Variants in VPS53 observed in about 807,000 individuals in gnomAD.
VPS53 encodes VPS53 subunit of GARP complex.
Under a neutral mutation model 107.0 loss-of-function variants are expected in VPS53, and 70 were observed. The observed-to-expected ratio is 0.65, with a 90% confidence interval of 0.54 to 0.80. The LOEUF is 0.80. Ranked by LOEUF, VPS53 falls within the 30% of genes least tolerant of loss-of-function variation. The pLI is 0.00. For missense variants in VPS53, 917 were observed against 1,049.4 expected (o/e 0.87, Z 1.74); for synonymous variants, 409 against 393.3 (o/e 1.04, Z -0.47).
intron 11 of VPS53, chr17:616,318 AG>A (rs1413339333): frequency 2.0e-5 from 3 of 152,294 alleles, no homozygotes; most frequent in Non-Finnish European, 4.4e-5. Context: ...AGAGAGGGAA[AG>A]AAAGAACTCA....
chr17:539,063 C>T (rs1910362711), intron 17 of VPS53: 1 of 152,206 alleles, frequency 6.6e-6, no homozygotes, highest in South Asian at 2.1e-4. Context: ...TCTGGGTAGA[C>T]ACAGCGAACT....
chr17:546,068 A>AT (rs1319364004), intron 17 of VPS53, among the ~76,000 whole-genome samples: 2 of 152,144 alleles, frequency 1.3e-5, no homozygotes, highest in South Asian at 2.1e-4. Context: ...TGGTTAACTG[A>AT]TTTTTTACGA....
rs1379474326 is a variant in VPS53, at chr17:515,072, A to T, written c.*4056T>A. On this transcript the variant is annotated 3_prime_UTR_variant, in exon 22 of 22. Coordinates refer to ENST00000437048, the MANE Select transcript of VPS53 (RefSeq NM_001128159.3). ...GCAGAGTGAACTCTTTATTGATTAT[A>T]CAAATTACCACTATTTATTTTAAAC... 2 of 152,144 alleles carry T rather than the reference A, an allele frequency of 1.3e-5. No individual in the cohort carries two copies. Among genetic ancestry groups the T allele is most frequent in the Non-Finnish European group, 2.9e-5 (2 of 68,030 alleles). The allele number at this position is 152,144 out of a possible 1,614,324, so 9.4% of individuals were successfully genotyped here. A position where few individuals can be genotyped will look rare whatever the true frequency, so the allele number is the denominator to read the frequency against.
In VPS53 at chr17:658,932, T is replaced by C. The variant is rs374711647; in HGVS notation, c.372+2877A>G. 2.6e-5 allele frequency among the ~76,000 whole-genome samples: 4 copies of C among 152,250 alleles called. 1 individual carries two copies. The East Asian group carries it at 7.7e-4, about 29-fold the overall frequency. ...CAGCTCAATTCCACACCTATGATCC[T>C]GCAAGCCTTACCTGGATCTTAGCTA... On this transcript the variant is annotated intron_variant, in intron 5 of 21. Transcript: ENST00000437048.
intron 4 of VPS53, chr17:676,047 A>G (rs1037122892): frequency 1.3e-5 from 2 of 150,618 alleles, no homozygotes; most frequent in African/African-American, 4.8e-5. Context: ...CTAGATGACT[A>G]CAAAACGCCA....
intron 19 of VPS53, 145 bp from the exon 20 acceptor site, chr17:521,883 GA>G: frequency 2.0e-6 from 2 of 981,382 alleles, no homozygotes; most frequent in Non-Finnish European, 1.4e-6. Flanking sequence ...AAATATAAAA[GA>G]AAAAAATTAT....
At position 520,689 on chromosome 17, in the gene VPS53, C is replaced by T. The variant is rs182069714; in HGVS notation, c.2224-759G>A. Among the ~76,000 whole-genome samples, 2 of 152,058 alleles carry T rather than the reference C, an allele frequency of 1.3e-5. No individual in the cohort carries two copies. The highest frequency in any genetic ancestry group is 4.2e-4 in the South Asian group (2 of 4,814). On this transcript the variant is annotated intron_variant, in intron 20 of 21. Transcript: ENST00000437048. The surrounding 1 kb of genome is among the most constrained non-coding windows in gnomAD (Gnocchi z 4.4). ...GGCGAGGAGGAGTTCACTCAGGCAT[C>T]CTCTGCCGATAATTCCCAGACCACA...
intron 13 of VPS53, among the ~76,000 whole-genome samples, chr17:566,030 C>T (rs1366450630): frequency 2.0e-5 from 3 of 151,544 alleles, no homozygotes; most frequent in South Asian, 2.1e-4. Flanking sequence ...GGTGAAACCC[C>T]GTCTCTACTA....
chr17:569,866 T>C (rs1452755473), intron 13 of VPS53, among the ~76,000 whole-genome samples: 1 of 148,232 alleles, frequency 6.7e-6, no homozygotes, highest in East Asian at 2.0e-4. Context: ...ATTATGTCAC[T>C]GCACTCCAGC....
intron 12 of VPS53, among the ~76,000 whole-genome samples, chr17:592,550 A>G (rs929221430): frequency 1.3e-5 from 2 of 151,984 alleles, no homozygotes; most frequent in Non-Finnish European, 1.5e-5. Context: ...TTCCATGTTT[A>G]GCGCTTCCTT....
At chr17:525,802 A>G (rs757584932) in intron 19 of VPS53, among the ~76,000 whole-genome samples, 6 of 152,018 alleles carry the variant, frequency 3.9e-5, no homozygotes, top group Non-Finnish European at 8.8e-5. Context: ...ATTTGAGACC[A>G]GCCTGGCCAA....
In VPS53 at chr17:560,680, C is replaced by T. The variant is rs1912867485; in HGVS notation, c.1557-107G>A. The T allele has an allele frequency of 5.2e-6, 7 of 1,355,506 alleles. No homozygotes were observed. In the South Asian group the frequency reaches 9.7e-5, roughly 19 times the overall value. The allele number at this position is 1,355,506 out of a possible 1,614,324, so 84.0% of individuals were successfully genotyped here. ...AGAAAAGGGGGAAGTAAAGGCTGGACATGGCCCAAATCAATTCACATACAA... is the reference window on the plus strand; with the variant it reads ...AGAAAAGGGGGAAGTAAAGGCTGGATATGGCCCAAATCAATTCACATACAA... On this transcript the variant is annotated intron_variant, in intron 14 of 21. Coordinates refer to ENST00000437048, the MANE Select transcript of VPS53 (RefSeq NM_001128159.3).
At chr17:617,697 A>G (rs375770472) in intron 11 of VPS53, among the ~76,000 whole-genome samples, 50 of 116,772 alleles carry the variant, frequency 4.3e-4, no homozygotes, top group East Asian at 8.2e-4. Context: ...GACTACAGGC[A>G]TGCGCCATCA....
chr17:685,218 C>T (rs769542664), intron 4 of VPS53: 1 of 152,088 alleles, frequency 6.6e-6, no homozygotes, highest in Non-Finnish European at 1.5e-5. Flanking sequence ...GTCTGGAAAC[C>T]GGTGTTGAAC....
intron 17 of VPS53, among the ~76,000 whole-genome samples, chr17:550,651 A>AACTT (rs1911733890): frequency 6.6e-6 from 1 of 152,194 alleles, no homozygotes; most frequent in Non-Finnish European, 1.5e-5. Flanking sequence ...GCCCATTTCC[A>AACTT]ACTTAATTAA....
intron 19 of VPS53, among the ~76,000 whole-genome samples, chr17:531,567 C>T (rs1202070032): frequency 4.0e-5 from 6 of 151,152 alleles, no homozygotes; most frequent in African/African-American, 7.3e-5. Context: ...TGCAGCGGCA[C>T]GATCATAGCT....
At position 560,804 on chromosome 17, in the gene VPS53, C is replaced by T. The variant is rs140874269; in HGVS notation, c.1557-231G>A. Among the ~76,000 whole-genome samples, 184 of 152,328 alleles carry T rather than the reference C, an allele frequency of 1.2e-3. 4 individuals carry two copies. The East Asian group carries it at 0.031, about 26-fold the overall frequency. ...TGAATCATCAGCAGGCCATTAGTCA[C>T]ATTAACTAGGATGGTCTAATATCCA... is the stretch of plus-strand genomic sequence containing the variant. On this transcript the variant is annotated intron_variant, in intron 14 of 21. Transcript: ENST00000437048.
chr17:665,283 T>C (rs944085843), intron 4 of VPS53, among the ~76,000 whole-genome samples: 6 of 152,022 alleles, frequency 3.9e-5, no homozygotes, highest in Non-Finnish European at 5.9e-5. Context: ...GACGACATGG[T>C]GAGAAGGCGC....
intron 4 of VPS53, among the ~76,000 whole-genome samples, chr17:688,670 T>A (rs946364672): frequency 1.3e-5 from 2 of 152,152 alleles, no homozygotes; most frequent in Non-Finnish European, 2.9e-5. Context: ...AGTAGCACTC[T>A]AGAAGCAGGC....
Sources: gnomAD v4.1 joint callset for allele counts (sites outside exome capture counted in the v4.1 genomes callset) on GRCh38, gnomAD v4.1.1 for gene constraint, Gnocchi (gnomAD v3.1) non-coding constraint, MANE v1.5 for transcripts, NCBI Gene and HGNC (gene_info 2026-07-23, HGNC 2026-07-21) for gene names.